The following OPHN1 variants were observed in gnomAD, a reference collection of about 807,000 sequenced individuals.
OPHN1 encodes the protein oligophrenin-1.
Under a neutral mutation model 60.7 loss-of-function variants are expected in OPHN1, and 11 were observed. That is an observed-to-expected ratio of 0.18 (90% CI 0.11 to 0.30). The LOEUF (loss-of-function observed/expected upper bound fraction) is 0.30, where lower values mean the gene tolerates loss of function less well. OPHN1 is among the 10% of genes least tolerant of loss of function. OPHN1 has a pLI of 1.00. For missense variants in OPHN1, 449 were observed against 611.0 expected (o/e 0.73, Z 2.80); for synonymous variants, 226 against 222.6 (o/e 1.02, Z -0.14).
rs756102562 is a variant in OPHN1, at chrX:68,067,411, A to G, written c.1835-3234T>C. ...TGTTGCAATAAGTTGGGGCTATATC[A>G]TGAAGTCCATGAATGCCATGCTCAG... On this transcript the variant is annotated intron_variant, in intron 20 of 24. Transcript: ENST00000355520. Among the ~76,000 whole-genome samples, 5 of 110,791 alleles carry G rather than the reference A, an allele frequency of 4.5e-5. No homozygotes were observed. The South Asian group carries it at 2.0e-3, about 43-fold the overall frequency.
At position 68,299,083 on chromosome X, in the gene OPHN1, A is replaced by G; in HGVS notation, c.168T>C (p.Ala56=). 3.4e-6 allele frequency: 4 copies of G among 1,170,915 alleles called. No individual in the cohort carries two copies. The highest frequency in any genetic ancestry group is 4.6e-6 in the Non-Finnish European group (4 of 861,478). The change falls in exon 3 of 25, where the codon GCT becomes GCC. Residue 56 remains alanine, a synonymous_variant. Transcript: ENST00000355520. ...GCAGCGTCTGGGAAAATTTCTGAACAGCAGAAGAATAATCTGCAAAGGAAG... is the reference window on the plus strand; with the variant it reads ...GCAGCGTCTGGGAAAATTTCTGAACGGCAGAAGAATAATCTGCAAAGGAAG... ...LISAMRNYSS[A]VQKFSQTLQS... is the part of the protein sequence containing the mutation.
intron 15 of OPHN1, among the ~76,000 whole-genome samples, chrX:68,136,044 A>G (rs1374364575): frequency 9.0e-6 from 1 of 111,522 alleles, no homozygotes; most frequent in Non-Finnish European, 1.9e-5. Flanking sequence ...CCTTAAGCAA[A>G]TATGTATTGA....
chrX:68,391,813 A>G (rs1291199441), intron 2 of OPHN1, among the ~76,000 whole-genome samples: 1 of 111,370 alleles, frequency 9.0e-6, no homozygotes, highest in Non-Finnish European at 1.9e-5. Flanking sequence ...TTAAAGATGG[A>G]GGATGGCCCA....
chrX:68,371,219 C>CT (rs571482375), intron 2 of OPHN1, among the ~76,000 whole-genome samples: 11,747 of 96,877 alleles, frequency 0.12, 1,693 homozygotes, highest in African/African-American at 0.39. Flanking sequence ...CTTTTTCTTT[C>CT]TTTTTTTTTT....
At chrX:68,197,149 T>G in intron 12 of OPHN1, 37 bp downstream of exon 12, 1 of 1,043,431 alleles carries the variant, frequency 9.6e-7, no homozygotes, top group Non-Finnish European at 1.3e-6. Context: ...TACACTGGCA[T>G]ATGCTGGGGA....
At chrX:68,354,796 G>GATGAGTTTGAACTA (rs1369963888) in intron 2 of OPHN1, among the ~76,000 whole-genome samples, 2 of 109,556 alleles carry the variant, frequency 1.8e-5, no homozygotes, top group Non-Finnish European at 3.8e-5. Context: ...TGATGAGATA[G>GATGAGTTTGAACTA]AAAGAACACT....
chrX:68,350,748 T>A (rs2078406374), intron 2 of OPHN1, among the ~76,000 whole-genome samples: 1 of 109,081 alleles, frequency 9.2e-6, no homozygotes, highest in Non-Finnish European at 1.9e-5. Flanking sequence ...ACTCCTGGAC[T>A]TAAGCAGTCT....
intron 2 of OPHN1, among the ~76,000 whole-genome samples, chrX:68,374,354 C>CA (rs151096060): frequency 0.05 from 3,569 of 70,804 alleles, 146 homozygotes; most frequent in African/African-American, 0.12. Flanking sequence ...GACTCCATCT[C>CA]AAAAAAAAAA....
intron 2 of OPHN1, among the ~76,000 whole-genome samples, chrX:68,361,877 C>T (rs1308417939): frequency 1.8e-5 from 2 of 112,175 alleles, no homozygotes; most frequent in African/African-American, 6.5e-5. Context: ...TTCACCAACA[C>T]TTATCTCTTT....
chrX:68,212,171 C>A lies in OPHN1; in HGVS notation c.639G>T (p.Leu213=). The A allele has an allele frequency of 8.3e-7, 1 of 1,207,615 alleles. No individual in the cohort carries two copies. The highest frequency in any genetic ancestry group is 1.8e-5 in the South Asian group (1 of 56,295). The change falls in exon 8 of 25, where the codon CTG becomes CTT. Residue 213 remains leucine (L), a synonymous_variant. Transcript: ENST00000355520. ...FLHSLFISNS[L]TVELTQDFLP... The stretch of plus-strand genomic sequence containing the variant: ...GGAAATCCTGTGTGAGCTCCACAGT[C>A]AGGCTGTTAGAAATGAACAGACTAT...
At chrX:68,101,702 A>AT (rs1391288253) in intron 18 of OPHN1, among the ~76,000 whole-genome samples, 2 of 112,395 alleles carry the variant, frequency 1.8e-5, no homozygotes, top group Non-Finnish European at 3.8e-5. Flanking sequence ...GCCTAGATGT[A>AT]TTAAAGACAT....
chrX:68,404,019 C>T (rs1022426970), intron 2 of OPHN1, among the ~76,000 whole-genome samples: 3 of 109,858 alleles, frequency 2.7e-5, no homozygotes, highest in African/African-American at 6.6e-5. Context: ...ATTACCGCTG[C>T]GTAACTTTGT....
intron 15 of OPHN1, among the ~76,000 whole-genome samples, chrX:68,188,618 T>C (rs1407330110): frequency 8.9e-6 from 1 of 112,033 alleles, no homozygotes; most frequent in Non-Finnish European, 1.9e-5. Context: ...GGTTAACATA[T>C]ACAGTTGCTT....
chrX:68,112,249 G>A, intron 17 of OPHN1: 4 of 216,992 alleles, frequency 1.8e-5, no homozygotes, highest in South Asian at 1.4e-4. Context: ...GGCAGAAAAA[G>A]AGAAAAAAAA....
chrX:68,380,187 T>C (rs182630142), intron 2 of OPHN1, among the ~76,000 whole-genome samples: 6 of 111,835 alleles, frequency 5.4e-5, no homozygotes, highest in Admixed American at 4.8e-4. Flanking sequence ...AATTTACCCA[T>C]GTCTTCTAGA....
intron 15 of OPHN1, among the ~76,000 whole-genome samples, chrX:68,180,550 C>T (rs1036886467): frequency 9.0e-6 from 1 of 111,325 alleles, no homozygotes. Flanking sequence ...TAAATGGAGA[C>T]GTTAGGTACA....
rs1447651420 is a variant in OPHN1, at chrX:68,283,125, G to A, written c.251-8C>T. ...ATTCCTTGAAGGATTCAGCTGGAAG[G>A]AGAGAATCAAATGTAAAACAAATTA... On this transcript the variant is annotated splice_polypyrimidine_tract_variant and splice_region_variant and intron_variant, in intron 3 of 24. Transcript: ENST00000355520. 8.4e-7 allele frequency: 1 copy of A among 1,186,525 alleles called. No homozygotes were observed. Among genetic ancestry groups the A allele is most frequent in the Admixed American group, 2.2e-5 (1 of 45,893 alleles).
At chrX:68,062,533 C>T (rs908814954) in intron 21 of OPHN1, among the ~76,000 whole-genome samples, 7 of 112,235 alleles carry the variant, frequency 6.2e-5, no homozygotes, top group African/African-American at 2.3e-4. Context: ...CCAATCGGGT[C>T]CACAGGCCAT....
At chrX:68,100,175 A>C (rs1467831481) in intron 18 of OPHN1, among the ~76,000 whole-genome samples, 1 of 111,142 alleles carries the variant, frequency 9.0e-6, no homozygotes. Context: ...GGGGGCAAAG[A>C]CAACCACACA....
Sources: gnomAD v4.1 joint callset for allele counts (sites outside exome capture counted in the v4.1 genomes callset) on GRCh38, gnomAD v4.1.1 for gene constraint, MANE v1.5 for transcripts, NCBI Gene and HGNC (gene_info 2026-07-23, HGNC 2026-07-21) for gene names.